Variants in MAGI3 observed in about 807,000 individuals in gnomAD.
MAGI3 encodes the protein membrane-associated guanylate kinase, WW and PDZ domain-containing protein 3.
Under a neutral mutation model 121.8 loss-of-function variants are expected in MAGI3, and 43 were observed. The ratio of observed to expected loss-of-function variants is 0.35; its 90% CI spans 0.28 to 0.46. The LOEUF is 0.46. Ranked by LOEUF, MAGI3 falls within the 20% of genes least tolerant of loss-of-function variation. MAGI3 has a pLI of 1.00. For missense variants in MAGI3, 1,547 were observed against 1,797.3 expected (o/e 0.86, Z 2.52); for synonymous variants, 553 against 639.3 (o/e 0.86, Z 2.04).
rs17031520 is a variant in MAGI3 at position 113,403,262 on chromosome 1, G to A, written c.316+11913G>A. On this transcript the variant is annotated intron_variant, in intron 1 of 20. Transcript: ENST00000307546. ...ACAGTGGCAAGAAAATGCTACTGTAGCTGTGATCCAGGTGATCAGGGCAGC... is the reference window on the plus strand; with the variant it reads ...ACAGTGGCAAGAAAATGCTACTGTAACTGTGATCCAGGTGATCAGGGCAGC... Among the ~76,000 whole-genome samples, 1,293 of 152,070 alleles carry A rather than the reference G, an allele frequency of 8.5e-3. 40 individuals are homozygous for A. The highest frequency in any genetic ancestry group is 0.061 in the Admixed American group (933 of 15,244).
intron 14 of MAGI3, among the ~76,000 whole-genome samples, chr1:113,651,635 G>A (rs181253304): frequency 1.8e-4 from 27 of 152,184 alleles, no homozygotes; most frequent in Non-Finnish European, 2.9e-4. Context: ...TGGGATTACA[G>A]GCACACACCA....
chr1:113,543,959 T>C (rs1296153313), intron 1 of MAGI3, among the ~76,000 whole-genome samples: 5 of 151,928 alleles, frequency 3.3e-5, no homozygotes, highest in African/African-American at 1.2e-4. Flanking sequence ...TCAATAAAAA[T>C]AAACCATGGC....
chr1:113,617,598 A>G (rs1650558017), intron 7 of MAGI3, among the ~76,000 whole-genome samples: 1 of 152,200 alleles, frequency 6.6e-6, no homozygotes, highest in Non-Finnish European at 1.5e-5. Flanking sequence ...CCTCTCCCAC[A>G]CATTACAAAG....
chr1:113,527,254 G>A (rs976917225), intron 1 of MAGI3, among the ~76,000 whole-genome samples: 2 of 152,144 alleles, frequency 1.3e-5, no homozygotes, highest in Non-Finnish European at 2.9e-5. Context: ...GGGGCGGGCA[G>A]GGAGGAGGTC....
chr1:113,682,178 A>G, intron 20 of MAGI3: 1 of 1,315,216 alleles, frequency 7.6e-7, no homozygotes, highest in South Asian at 1.8e-5. Context: ...TTTTTTTTTC[A>G]CATAGTCCTA....
At chr1:113,611,387 C>T (rs1176249683) in intron 6 of MAGI3, among the ~76,000 whole-genome samples, 1 of 152,040 alleles carries the variant, frequency 6.6e-6, no homozygotes, top group Non-Finnish European at 1.5e-5. Flanking sequence ...CGTGCCGGCC[C>T]ATTTTCATAA....
intron 8 of MAGI3, among the ~76,000 whole-genome samples, chr1:113,622,321 TAATG>T (rs1443217171): frequency 2.2e-5 from 3 of 138,492 alleles, no homozygotes; most frequent in Non-Finnish European, 3.1e-5. Flanking sequence ...TAACCCCTAA[TAATG>T]GGCATTTCAA....
intron 1 of MAGI3, among the ~76,000 whole-genome samples, chr1:113,467,083 A>G (rs1210035461): frequency 6.6e-6 from 1 of 152,054 alleles, no homozygotes; most frequent in East Asian, 1.9e-4. Context: ...GTTTATTGCT[A>G]TAAACTTCCC....
chr1:113,435,529 T>G (rs1368937282), intron 1 of MAGI3, among the ~76,000 whole-genome samples: 2 of 152,144 alleles, frequency 1.3e-5, no homozygotes, highest in African/African-American at 4.8e-5. Context: ...CTTAAAATAA[T>G]TAATAGCAAG....
intron 1 of MAGI3, among the ~76,000 whole-genome samples, chr1:113,430,747 T>TA (rs1263383979): frequency 1.3e-5 from 2 of 152,222 alleles, no homozygotes; most frequent in African/African-American, 4.8e-5. Context: ...TGAACTGACT[T>TA]ACTAAATTCT....
chr1:113,477,252 A>C (rs893432229), intron 1 of MAGI3, among the ~76,000 whole-genome samples: 1 of 152,124 alleles, frequency 6.6e-6, no homozygotes, highest in African/African-American at 2.4e-5. Context: ...GTTATGTGTG[A>C]ATTTGATCCT....
intron 9 of MAGI3, among the ~76,000 whole-genome samples, chr1:113,640,319 T>A (rs1189117293): frequency 6.6e-6 from 1 of 152,200 alleles, no homozygotes; most frequent in Admixed American, 6.5e-5. Flanking sequence ...GAAGACAGTG[T>A]AGCAATTCCT....
At chr1:113,578,779 A>G (rs982095093) in intron 2 of MAGI3, among the ~76,000 whole-genome samples, 14 of 152,214 alleles carry the variant, frequency 9.2e-5, no homozygotes, top group African/African-American at 2.9e-4. Context: ...AAAGGAAAAA[A>G]GCTGTTTTCC....
intron 1 of MAGI3, among the ~76,000 whole-genome samples, chr1:113,495,005 G>GA (rs1656849844): frequency 6.6e-6 from 1 of 152,022 alleles, no homozygotes; most frequent in South Asian, 2.1e-4. Context: ...ATTTATGTTG[G>GA]AAAAATCTTC....
intron 1 of MAGI3, among the ~76,000 whole-genome samples, chr1:113,489,638 A>G (rs1010020113): frequency 6.6e-6 from 1 of 152,186 alleles, no homozygotes; most frequent in Admixed American, 6.5e-5. Context: ...AGGAAGCTAA[A>G]AATCAGGATA....
chr1:113,417,288 T>G (rs928021450), intron 1 of MAGI3, among the ~76,000 whole-genome samples: 1 of 152,158 alleles, frequency 6.6e-6, no homozygotes, highest in Non-Finnish European at 1.5e-5. Flanking sequence ...GAGAATGCAA[T>G]TTCACCTTAT....
chr1:113,412,378 G>A (rs1237439847), intron 1 of MAGI3, among the ~76,000 whole-genome samples: 2 of 152,070 alleles, frequency 1.3e-5, no homozygotes, highest in African/African-American at 2.4e-5. Flanking sequence ...AATCCTTTGG[G>A]TATATACCAA....
intron 1 of MAGI3, among the ~76,000 whole-genome samples, chr1:113,425,516 C>T (rs1170797131): frequency 6.6e-6 from 1 of 151,858 alleles, no homozygotes; most frequent in African/African-American, 2.4e-5. Context: ...CATCTCCTGA[C>T]CTCGTGATCT....
At position 113,684,622 on chromosome 1, in the gene MAGI3, T is replaced by C. The variant is rs1648439665; in HGVS notation, c.*608T>C. 1 of 152,276 alleles carries C rather than the reference T, an allele frequency of 6.6e-6. No homozygotes were observed. 9.4% of individuals were successfully genotyped at this position (152,276 alleles called of 1,614,324 possible). A position where few individuals can be genotyped will look rare whatever the true frequency, so the allele number is the denominator to read the frequency against. ...TAAGGAAAAAAAAAATGTAGTCCAA[T>C]ATTGATGCTTTCTTATGGCTTTTTA... On this transcript the variant is annotated 3_prime_UTR_variant, in exon 21 of 21. Transcript: ENST00000307546.
Sources: gnomAD v4.1 joint callset for allele counts (sites outside exome capture counted in the v4.1 genomes callset) on GRCh38, gnomAD v4.1.1 for gene constraint, MANE v1.5 for transcripts, NCBI Gene and HGNC (gene_info 2026-07-23, HGNC 2026-07-21) for gene names.